Variants in AFF2 observed in about 807,000 individuals in gnomAD.
AFF2 encodes AF4/FMR2 family member 2.
Under a neutral mutation model 76.9 loss-of-function variants are expected in AFF2, and 14 were observed. The observed-to-expected ratio is 0.18, with a 90% CI of 0.12 to 0.28. The LOEUF (loss-of-function observed/expected upper bound fraction) is 0.28, where lower values mean the gene tolerates loss of function less well. AFF2 is among the 10% of genes least tolerant of loss of function. The pLI is 1.00. For missense variants in AFF2, 868 were observed against 1,001.1 expected, an observed-to-expected ratio of 0.87 and a Z score of 1.79; for synonymous variants, 398 against 366.7, an observed-to-expected ratio of 1.09 and a Z score of -0.98.
intron 1 of AFF2, among the ~76,000 whole-genome samples, chrX:148,522,271 C>T (rs372775003): frequency 5.3e-5 from 6 of 112,575 alleles, no homozygotes; most frequent in African/African-American, 9.7e-5. Context: ...TTTAACTATG[C>T]GGGCTGTCCC....
At chrX:148,850,507 ATGT>A (rs782307199) in intron 7 of AFF2, among the ~76,000 whole-genome samples, 1 of 111,673 alleles carries the variant, frequency 9.0e-6, no homozygotes. Flanking sequence ...ATTGAATGTA[ATGT>A]TGTGATAACA....
chrX:148,711,606 G>A (rs900579514), intron 3 of AFF2, among the ~76,000 whole-genome samples: 1 of 112,032 alleles, frequency 8.9e-6, no homozygotes, highest in Admixed American at 9.5e-5. Context: ...TAAAAATTTG[G>A]TTAAAATTGA....
intron 3 of AFF2, among the ~76,000 whole-genome samples, chrX:148,792,454 C>CA: frequency 8.9e-6 from 1 of 111,926 alleles, no homozygotes; most frequent in South Asian, 3.7e-4. Context: ...ACTCCGTCTC[C>CA]AAAAAATAAA....
chrX:148,881,607 G>A (rs1045558047), intron 7 of AFF2, among the ~76,000 whole-genome samples: 1 of 111,336 alleles, frequency 9.0e-6, no homozygotes, highest in East Asian at 2.8e-4. Flanking sequence ...CCAAAGCTCC[G>A]AAACTTTCCA....
At chrX:148,969,044 T>G (rs1190911361) in intron 15 of AFF2, among the ~76,000 whole-genome samples, 1 of 112,869 alleles carries the variant, frequency 8.9e-6, no homozygotes, top group African/African-American at 3.2e-5. Context: ...AGCTGTTACA[T>G]GAGCTGATGA....
chrX:148,987,499 T>G lies in AFF2; in HGVS notation c.3756T>G (p.Asn1252Lys). Residue 1252 changes from asparagine (N) to lysine (K), a missense_variant, in exon 20 of 21, where the codon AAT (asparagine) becomes AAG (lysine). Coordinates refer to ENST00000370460, the MANE Select transcript of AFF2 (RefSeq NM_002025.4). ...MAASHVNITS[N>K]VLRGYEHWDM... ...CCAGCCACGTCAACATCACTAGCAA[T>G]GTGTTACGGGGCTATGAACACTGGG... is the stretch of plus-strand genomic sequence containing the variant. 1 of 1,211,454 alleles carries G rather than the reference T, an allele frequency of 8.3e-7. No homozygotes were observed. Among genetic ancestry groups the G allele is most frequent in the Non-Finnish European group, 1.1e-6 (1 of 895,271 alleles).
intron 3 of AFF2, among the ~76,000 whole-genome samples, chrX:148,804,107 A>G (rs1247678112): frequency 1.8e-5 from 2 of 112,037 alleles, no homozygotes; most frequent in Non-Finnish European, 3.8e-5. Context: ...CTTAGCATAC[A>G]AAGTGCTGAT....
chrX:148,903,242 G>T (rs1557281071), intron 8 of AFF2, among the ~76,000 whole-genome samples: 1 of 111,310 alleles, frequency 9.0e-6, no homozygotes, highest in African/African-American at 3.3e-5. Flanking sequence ...GGGAGTACAA[G>T]TTTGGTTCTG....
intron 7 of AFF2, among the ~76,000 whole-genome samples, chrX:148,866,539 G>T (rs2070909440): frequency 8.9e-6 from 1 of 112,118 alleles, no homozygotes; most frequent in Non-Finnish European, 1.9e-5. Flanking sequence ...ATGGCAAAAT[G>T]CCACCAGCCT....
In AFF2 at chrX:148,993,581, TGAG is replaced by T. The variant is rs781827136; in HGVS notation, c.*2251_*2253del. ...ATCCAGAAACTAGACATTAGAATGT[TGAG>T]GCAGTTTCCCAGAGAAACAAGCATA... is the stretch of plus-strand genomic sequence containing the variant. On this transcript the variant is annotated 3_prime_UTR_variant, in exon 21 of 21. Transcript: ENST00000370460. The T allele has an allele frequency of 1.2e-4, 14 of 112,184 alleles. No homozygotes were observed. The highest frequency in any genetic ancestry group is 2.4e-4 in the Non-Finnish European group (13 of 53,278). The allele number at this position is 112,184 out of a possible 1,213,427, so 9.2% of individuals were successfully genotyped here. A position where few individuals can be genotyped will look rare whatever the true frequency, so the allele number is the denominator to read the frequency against.
At chrX:148,905,097 G>C (rs2071394278) in intron 9 of AFF2, among the ~76,000 whole-genome samples, 1 of 112,319 alleles carries the variant, frequency 8.9e-6, no homozygotes, top group Admixed American at 9.4e-5. Flanking sequence ...GAAATGGAGA[G>C]TACATAGATT....
At chrX:148,915,635 G>A (rs1421466605) in intron 9 of AFF2, among the ~76,000 whole-genome samples, 1 of 112,350 alleles carries the variant, frequency 8.9e-6, no homozygotes, top group African/African-American at 3.2e-5. Context: ...CTGGGGATCT[G>A]CTAATAATAG....
intron 19 of AFF2, among the ~76,000 whole-genome samples, chrX:148,985,787 G>A (rs6641480): frequency 1.2e-3 from 130 of 110,591 alleles, no homozygotes; most frequent in Middle Eastern, 4.7e-3. Context: ...AAACACTCTC[G>A]AACCCATTCA....
chrX:148,966,731 T>C, intron 13 of AFF2, 59 bp from the exon 14 acceptor site: 1 of 1,189,219 alleles, frequency 8.4e-7, no homozygotes, highest in Non-Finnish European at 1.1e-6. Flanking sequence ...AAAGCATTTA[T>C]GACAAGGTGT....
intron 4 of AFF2, among the ~76,000 whole-genome samples, chrX:148,816,973 G>C (rs1178422219): frequency 9.3e-6 from 1 of 107,818 alleles, no homozygotes. Context: ...TGAGAAAAGT[G>C]TACCAGAAAA....
chrX:148,892,369 C>T (rs1410401798), intron 8 of AFF2, among the ~76,000 whole-genome samples: 5 of 38,636 alleles, frequency 1.3e-4, no homozygotes, highest in South Asian at 4.3e-3. Context: ...TACTAATTAC[C>T]GAACACAAAA....
intron 4 of AFF2, among the ~76,000 whole-genome samples, chrX:148,810,663 T>G (rs919076555): frequency 8.9e-6 from 1 of 111,859 alleles, no homozygotes; most frequent in Non-Finnish European, 1.9e-5. Flanking sequence ...ACTTTATCTC[T>G]CTGAATCTCC....
In AFF2 at chrX:148,998,273, C is replaced by G. The variant is rs1694513862; in HGVS notation, c.*6941C>G. 8.9e-6 allele frequency: 1 copy of G among 112,015 alleles called. No individual in the cohort carries two copies. The highest frequency in any genetic ancestry group is 1.9e-5 in the Non-Finnish European group (1 of 53,165). 9.2% of individuals were successfully genotyped at this position (112,015 alleles called of 1,213,427 possible). ...CTGTGATGGTTGTTGTTACTTGTCT[C>G]TCTCTCTCTCTGGCTCTGGCTTTTG... On this transcript the variant is annotated 3_prime_UTR_variant, in exon 21 of 21. Coordinates refer to ENST00000370460, the MANE Select transcript of AFF2 (RefSeq NM_002025.4).
chrX:148,963,837 C>T (rs1007084804), intron 13 of AFF2, among the ~76,000 whole-genome samples: 2 of 111,817 alleles, frequency 1.8e-5, no homozygotes, highest in East Asian at 2.8e-4. Flanking sequence ...AGTGGAGACA[C>T]GAAGCTGGCT....
Sources: gnomAD v4.1 joint callset for allele counts (sites outside exome capture counted in the v4.1 genomes callset) on GRCh38, gnomAD v4.1.1 for gene constraint, MANE v1.5 for transcripts, NCBI Gene and HGNC (gene_info 2026-07-23, HGNC 2026-07-21) for gene names.